The following IFI16 variants were observed in gnomAD, a reference collection of about 807,000 sequenced individuals.
IFI16 encodes the protein interferon gamma inducible protein 16.
IFI16 carries 49 observed loss-of-function variants against 68.4 expected under a neutral mutation model. That is an observed-to-expected ratio of 0.72 (90% CI 0.57 to 0.91). The LOEUF (loss-of-function observed/expected upper bound fraction) is 0.91. Ranked by LOEUF, IFI16 falls within the 40% of genes least tolerant of loss-of-function variation. The pLI is 0.00. For missense variants in IFI16, 878 were observed against 942.9 expected (o/e 0.93, Z 0.90); for synonymous variants, 307 against 315.0 (o/e 0.97, Z 0.27).
Position 159,018,348 on chromosome 1 carries a change from G to A in IFI16, c.669G>A (p.Met223Ile), listed in dbSNP as rs1238731271. Residue 223 changes from methionine to isoleucine, a missense_variant, in exon 5 of 12, where the codon ATG becomes ATA. Met to Ile is a conservative substitution (Grantham distance 10). Around this residue, in one of 4 missense-constraint regions of IFI16, gnomAD observed 443 missense variants for 421.8 expected, o/e 1.05. Coordinates refer to ENST00000295809, the MANE Select transcript of IFI16 (RefSeq NM_001376587.1). Reference sequence around the variant, plus strand: ...CATTTGAATATGAGACCCCAGAAATGGAGAAAAAAATAATGTTTCATGCTA... The same window carrying A: ...CATTTGAATATGAGACCCCAGAAATAGAGAAAAAAATAATGTTTCATGCTA... The part of the protein sequence containing the change: ...TKPFEYETPE[M>I]EKKIMFHATV... 3.1e-6 allele frequency: 5 copies of A among 1,614,040 alleles called. No homozygotes were observed. Among genetic ancestry groups the A allele is most frequent in the South Asian group, 1.1e-5 (1 of 91,076 alleles).
chr1:159,003,599 G>A (rs934858610), upstream of IFI16, among the ~76,000 whole-genome samples: 2 of 151,976 alleles, frequency 1.3e-5, no homozygotes, highest in Non-Finnish European at 2.9e-5. Flanking sequence ...AGACCAAGGC[G>A]ATAGGTATTT....
At chr1:159,040,987 A>G (rs1654600230) in intron 7 of IFI16, among the ~76,000 whole-genome samples, 1 of 152,186 alleles carries the variant, frequency 6.6e-6, no homozygotes, top group African/African-American at 2.4e-5. Context: ...GGGTTTGTTT[A>G]ATAGCCTGAA....
rs1376777145 is a variant in IFI16, at chr1:159,020,630, G to A, written c.1161+101G>A. Reference sequence around the variant, plus strand: ...GTAGGTTTTTTTTACAGAGTTCAGCGGGAGGCATGAGAAAACAGATATTCT... The same window carrying A: ...GTAGGTTTTTTTTACAGAGTTCAGCAGGAGGCATGAGAAAACAGATATTCT... On this transcript the variant is annotated intron_variant, in intron 6 of 11. Coordinates refer to ENST00000295809, the MANE Select transcript of IFI16 (RefSeq NM_001376587.1). 21 of 718,898 alleles carry A rather than the reference G, an allele frequency of 2.9e-5. No individual in the cohort carries two copies. In the Admixed American group the frequency reaches 3.8e-4, roughly 13 times the overall value. 44.5% of individuals were successfully genotyped at this position (718,898 alleles called of 1,614,324 possible). A position where few individuals can be genotyped will look rare whatever the true frequency, so the allele number is the denominator to read the frequency against.
At chr1:159,051,430 T>C (rs1426209844) in intron 9 of IFI16, among the ~76,000 whole-genome samples, 3 of 152,178 alleles carry the variant, frequency 2.0e-5, no homozygotes, top group Non-Finnish European at 4.4e-5. Flanking sequence ...TTAATTCTCA[T>C]TAAAAAAGAA....
chr1:159,053,248 C>T lies in IFI16; in HGVS notation c.2086-285C>T, dbSNP rs1485726247. The T allele has an allele frequency of 6.3e-5, 15 of 238,240 alleles. No individual in the cohort carries two copies. In the East Asian group the frequency reaches 1.3e-3, roughly 20 times the overall value. The allele number at this position is 238,240 out of a possible 1,614,324, so 14.8% of individuals were successfully genotyped here. A position where few individuals can be genotyped will look rare whatever the true frequency, so the allele number is the denominator to read the frequency against. ...CTGTATCCAGGCTCCTTAAAAAATCCCAGCTGTGCTGATGTGGAAACAGGA... is the reference window on the plus strand; with the variant it reads ...CTGTATCCAGGCTCCTTAAAAAATCTCAGCTGTGCTGATGTGGAAACAGGA... On this transcript the variant is annotated intron_variant, in intron 10 of 11. Coordinates refer to ENST00000295809, the MANE Select transcript of IFI16 (RefSeq NM_001376587.1).
intron 11 of IFI16, 54 bp downstream of exon 11, chr1:159,053,778 ACTTT>A: frequency 2.1e-6 from 3 of 1,408,018 alleles, no homozygotes; most frequent in Non-Finnish European, 3.0e-6. Flanking sequence ...TTTTGTTTAT[ACTTT>A]AAGAAGACTA....
chr1:159,035,685 AAAG>A (rs1654282463), intron 7 of IFI16, among the ~76,000 whole-genome samples: 2 of 152,248 alleles, frequency 1.3e-5, no homozygotes, highest in South Asian at 4.1e-4. Flanking sequence ...AGGGTTTCCC[AAAG>A]ATTTTCTCTA....
intron 1 of IFI16, among the ~76,000 whole-genome samples, chr1:159,011,790 TAAC>T (rs1338788906): frequency 1.3e-5 from 2 of 152,202 alleles, no homozygotes; most frequent in African/African-American, 2.4e-5. Context: ...CACCTTTTGT[TAAC>T]AATATATATG....
chr1:159,016,912 T>A (rs2101817554), intron 4 of IFI16, among the ~76,000 whole-genome samples: 1 of 152,340 alleles, frequency 6.6e-6, no homozygotes, highest in South Asian at 2.1e-4. Context: ...TTCTGTGTTG[T>A]TTGGGGAAGG....
At chr1:159,017,182 C>T (rs1201221536) in intron 4 of IFI16, among the ~76,000 whole-genome samples, 1 of 152,230 alleles carries the variant, frequency 6.6e-6, no homozygotes, top group Non-Finnish European at 1.5e-5. Context: ...AAAACCCTTT[C>T]TGAGCCCCAG....
chr1:159,005,154 C>T (rs1472170165), upstream of IFI16, among the ~76,000 whole-genome samples: 1 of 152,102 alleles, frequency 6.6e-6, no homozygotes, highest in African/African-American at 2.4e-5. Flanking sequence ...GAAGGCCTCA[C>T]CAGATACTGA....
chr1:159,011,975 C>T (rs1652591388), intron 1 of IFI16, among the ~76,000 whole-genome samples: 2 of 152,124 alleles, frequency 1.3e-5, no homozygotes, highest in African/African-American at 4.8e-5. Context: ...TTTCTTCCCT[C>T]CCTTTACCAT....
chr1:159,020,287 T>G, intron 5 of IFI16, 54 bp from the exon 6 acceptor site: 1 of 1,334,738 alleles, frequency 7.5e-7, no homozygotes, highest in Non-Finnish European at 1.1e-6. Flanking sequence ...TCAGCCTATA[T>G]GTGGTTGTTA....
intron 4 of IFI16, among the ~76,000 whole-genome samples, 160 bp downstream of exon 4, chr1:159,016,860 TTGA>T (rs1317596867): frequency 6.6e-6 from 1 of 152,250 alleles, no homozygotes; most frequent in Non-Finnish European, 1.5e-5. Context: ...ACAGGGATAC[TTGA>T]TGAACTTGAC....
intron 6 of IFI16, among the ~76,000 whole-genome samples, chr1:159,026,476 T>A (rs1653677744): frequency 6.6e-6 from 1 of 152,040 alleles, no homozygotes; most frequent in South Asian, 2.1e-4. Flanking sequence ...TTTTTGTATC[T>A]TTAGTAGAGA....
intron 6 of IFI16, among the ~76,000 whole-genome samples, chr1:159,023,070 T>C (rs559287597): frequency 9.8e-5 from 15 of 152,302 alleles, no homozygotes; most frequent in African/African-American, 3.6e-4. Flanking sequence ...CCTACAAGAA[T>C]AAGTACACCA....
upstream of IFI16, chr1:159,005,859 A>G (rs948558468): frequency 6.6e-6 from 1 of 152,246 alleles, no homozygotes; most frequent in African/African-American, 2.4e-5. Context: ...TTAAGCAGGA[A>G]GTAAATAGAT....
Position 159,051,815 on chromosome 1 carries a change from A to T in IFI16, c.1802A>T (p.His601Leu). Residue 601 changes from histidine (H) to leucine (L), a missense_variant, in exon 10 of 12, where the codon CAT becomes CTT. Around this residue, in one of 4 missense-constraint regions of IFI16, gnomAD observed 311 missense variants for 305.1 expected, o/e 1.02. Coordinates refer to ENST00000295809, the MANE Select transcript of IFI16 (RefSeq NM_001376587.1). Reference sequence around the variant, plus strand: ...CCCAAAGAGCAGAAGAAAATGTTTCATGCCACAGTGGCAACTGAGAATGAA... The same window carrying T: ...CCCAAAGAGCAGAAGAAAATGTTTCTTGCCACAGTGGCAACTGAGAATGAA... Reference protein sequence around the residue: ...YEPKEQKKMFHATVATENEVF... With the variant: ...YEPKEQKKMFLATVATENEVF... 7.4e-6 allele frequency: 12 copies of T among 1,614,148 alleles called. No individual in the cohort carries two copies. Among genetic ancestry groups the T allele is most frequent in the Non-Finnish European group, 9.3e-6 (11 of 1,179,966 alleles).
intron 6 of IFI16, 50 bp downstream of exon 6, chr1:159,020,579 C>T (rs769270883): frequency 2.8e-6 from 4 of 1,437,020 alleles, no homozygotes; most frequent in Non-Finnish European, 3.8e-6. Flanking sequence ...AAATGATTTG[C>T]TTTAAGTTTT....
Sources: allele counts gnomAD v4.1 joint callset (sites outside exome capture counted in the v4.1 genomes callset), GRCh38; gene constraint gnomAD v4.1.1; regional missense constraint gnomAD v4.1.1; transcripts MANE v1.5; gene names NCBI Gene and HGNC (gene_info 2026-07-23, HGNC 2026-07-21).